Variants in CDS1 observed in about 807,000 individuals in gnomAD.
The protein encoded by CDS1 is CDP-diacylglycerol synthase 1.
In CDS1, 41 loss-of-function variants were observed where a neutral mutation model predicts 62.1. That is an observed-to-expected ratio of 0.66 (90% CI 0.51 to 0.86). The LOEUF (loss-of-function observed/expected upper bound fraction) is 0.86. Among genes scored for constraint, CDS1 ranks in the 40% least tolerant of loss-of-function variants. CDS1 has a pLI of 0.00. For synonymous variants in CDS1, 185 were observed against 192.6 expected (o/e 0.96, Z 0.32); for missense variants, 470 against 550.1 (o/e 0.85, Z 1.46).
In CDS1 at chr4:84,640,949, A is replaced by G. The variant is rs753712784; in HGVS notation, c.991A>G (p.Thr331Ala). 3.7e-6 allele frequency: 6 copies of G among 1,609,480 alleles called. No individual in the cohort carries two copies. In the South Asian group the frequency reaches 5.5e-5, roughly 15 times the overall value. ...GCCCTCAGAACTTTTCCAGCTTCAGACTTACTCACTTCCACCCTTTCTAAA... is the reference window on the plus strand; with the variant it reads ...GCCCTCAGAACTTTTCCAGCTTCAGGCTTACTCACTTCCACCCTTTCTAAA... ...CEPSELFQLQ[T>A]YSLPPFLKAV... The change falls in exon 10 of 13, where the codon ACT becomes GCT. Residue 331 changes from threonine (T) to alanine (A), a missense_variant. Around this residue, in one of 5 missense-constraint regions of CDS1, gnomAD observed 214 missense variants for 242.4 expected, o/e 0.88. Coordinates refer to ENST00000295887, the MANE Select transcript of CDS1 (RefSeq NM_001263.4).
At chr4:84,600,447 TTATG>T (rs1441031174) in intron 1 of CDS1, among the ~76,000 whole-genome samples, 1 of 152,194 alleles carries the variant, frequency 6.6e-6, no homozygotes, top group Non-Finnish European at 1.5e-5. Flanking sequence ...CCCAGAGAGT[TTATG>T]TAAGATTTAT....
At chr4:84,639,042 C>A in intron 9 of CDS1, 50 bp downstream of exon 9, 2 of 831,882 alleles carry the variant, frequency 2.4e-6, no homozygotes, top group Non-Finnish European at 3.7e-6. Flanking sequence ...AATATGATAC[C>A]AAGCTTACTG....
rs567478448 is a variant in CDS1 at position 84,645,340 on chromosome 4, G to T, written c.1256+15G>T. 2 of 1,436,446 alleles carry T rather than the reference G, an allele frequency of 1.4e-6. No individual in the cohort carries two copies. Among genetic ancestry groups the T allele is most frequent in the East Asian group, 4.6e-5 (2 of 43,872 alleles). 89.0% of individuals were successfully genotyped at this position (1,436,446 alleles called of 1,614,324 possible). A position where few individuals can be genotyped will look rare whatever the true frequency, so the allele number is the denominator to read the frequency against. On this transcript the variant is annotated intron_variant, in intron 12 of 12. Transcript: ENST00000295887. ...AGTTTTATAAGGTACTTTTACACTT[G>T]AGACATTTTTTAGATGATTTCTTTG...
intron 8 of CDS1, among the ~76,000 whole-genome samples, chr4:84,637,554 C>T (rs549925501): frequency 6.6e-6 from 1 of 152,218 alleles, no homozygotes; most frequent in African/African-American, 2.4e-5. Flanking sequence ...AAACCCCCTC[C>T]CTGACCCAGT....
chr4:84,635,239 C>CTTT (rs11310518), intron 7 of CDS1, 25 bp from the exon 8 acceptor site: 57 of 1,034,936 alleles, frequency 5.5e-5, no homozygotes, highest in Middle Eastern at 2.5e-4. Context: ...TTTCTGCTGA[C>CTTT]TTTTTTTTTT....
chr4:84,599,405 C>CATATATAT (rs59313355), intron 1 of CDS1, among the ~76,000 whole-genome samples: 101 of 24,546 alleles, frequency 4.1e-3, no homozygotes, highest in South Asian at 0.01. Context: ...CACACACACA[C>CATATATAT]ATATATATAT....
At chr4:84,583,602 C>G (rs1722323185) in intron 1 of CDS1, 84 bp downstream of exon 1, 1 of 752,376 alleles carries the variant, frequency 1.3e-6, no homozygotes, top group East Asian at 3.3e-5. Flanking sequence ...GGGTGGGGCC[C>G]GTCCAGCGTC....
intron 8 of CDS1, among the ~76,000 whole-genome samples, chr4:84,636,629 AT>A (rs1724220229): frequency 6.6e-6 from 1 of 152,110 alleles, no homozygotes; most frequent in African/African-American, 2.4e-5. Flanking sequence ...GGTTCAAGTG[AT>A]TCTCCTGCCT....
intron 5 of CDS1, among the ~76,000 whole-genome samples, chr4:84,631,444 A>G (rs1578046521): frequency 6.6e-6 from 1 of 152,214 alleles, no homozygotes; most frequent in East Asian, 1.9e-4. Context: ...TAATTTTTCT[A>G]TTATGTAGAG....
At chr4:84,630,035 C>T (rs1164562828) in intron 5 of CDS1, among the ~76,000 whole-genome samples, 1 of 152,046 alleles carries the variant, frequency 6.6e-6, no homozygotes, top group Non-Finnish European at 1.5e-5. Context: ...TCTGCTTTGC[C>T]CCTTACCCAT....
intron 1 of CDS1, among the ~76,000 whole-genome samples, chr4:84,584,872 A>C (rs967188691): frequency 2.0e-4 from 31 of 152,350 alleles, no homozygotes; most frequent in Non-Finnish European, 3.7e-4. Context: ...AACTAGGAAC[A>C]GTGGGCTGAG....
intron 10 of CDS1, among the ~76,000 whole-genome samples, chr4:84,642,135 C>A (rs1269231686): frequency 6.6e-6 from 1 of 152,122 alleles, no homozygotes; most frequent in Non-Finnish European, 1.5e-5. Flanking sequence ...CCAGACCAGC[C>A]TGACCAAAAG....
At chr4:84,592,355 T>A (rs1336933619) in intron 1 of CDS1, among the ~76,000 whole-genome samples, 3 of 151,894 alleles carry the variant, frequency 2.0e-5, no homozygotes, top group Non-Finnish European at 4.4e-5. Context: ...GTATTTTTAG[T>A]AGAGATGGGG....
intron 1 of CDS1, among the ~76,000 whole-genome samples, chr4:84,590,451 GAATTT>G (rs1374025229): frequency 1.3e-5 from 2 of 152,188 alleles, no homozygotes; most frequent in Non-Finnish European, 2.9e-5. Flanking sequence ...GTTACCATGT[GAATTT>G]TCACTTAGTG....
chr4:84,615,997 A>G (rs925405518), intron 3 of CDS1, among the ~76,000 whole-genome samples: 2 of 152,226 alleles, frequency 1.3e-5, no homozygotes, highest in Admixed American at 1.3e-4. Context: ...AATGCGTGTT[A>G]TTAAAAATAC....
In CDS1 at chr4:84,619,710, C is replaced by T. The variant is rs573530073; in HGVS notation, c.580+177C>T. 3.3e-5 allele frequency among the ~76,000 whole-genome samples: 5 copies of T among 151,960 alleles called. No homozygotes were observed. The East Asian group carries it at 9.7e-4, about 29-fold the overall frequency. ...CATGTTCTTAAATAGCAATTACTCC[C>T]TTATAGTGGGTTTAAAAAGTGCTTG... On this transcript the variant is annotated intron_variant, in intron 5 of 12. Transcript: ENST00000295887.
Position 84,595,357 on chromosome 4 carries a change from G to T in CDS1, c.118-8886G>T, listed in dbSNP as rs985782415. Among the ~76,000 whole-genome samples, 4 of 152,262 alleles carry T rather than the reference G, an allele frequency of 2.6e-5. No individual in the cohort carries two copies. In the South Asian group the frequency reaches 8.3e-4, roughly 32 times the overall value. ...CTTTGGCCAAGAAGGGGTTTGTTCA[G>T]TCAGCTGGGGGGGCTTGGGCTTTTA... On this transcript the variant is annotated intron_variant, in intron 1 of 12. Coordinates refer to ENST00000295887, the MANE Select transcript of CDS1 (RefSeq NM_001263.4).
chr4:84,646,111 A>G (rs1043298262), intron 12 of CDS1, among the ~76,000 whole-genome samples: 56 of 152,216 alleles, frequency 3.7e-4, no homozygotes, highest in African/African-American at 1.3e-3. Context: ...AGCTGTAGAA[A>G]ACATGGATTT....
chr4:84,586,630 C>A (rs1722432017), intron 1 of CDS1, among the ~76,000 whole-genome samples: 1 of 152,172 alleles, frequency 6.6e-6, no homozygotes, highest in Admixed American at 6.5e-5. Flanking sequence ...AGCCGGGTTC[C>A]CAACAGGCCC....
Sources: allele counts gnomAD v4.1 joint callset (sites outside exome capture counted in the v4.1 genomes callset), GRCh38; gene constraint gnomAD v4.1.1; regional missense constraint gnomAD v4.1.1; transcripts MANE v1.5; gene names NCBI Gene and HGNC (gene_info 2026-07-23, HGNC 2026-07-21).